Variants in NAA38 observed in about 807,000 individuals in gnomAD.
The protein encoded by NAA38 is N-alpha-acetyltransferase 38, NatC auxiliary subunit, also known as LSM domain containing 1.
In NAA38, 15 loss-of-function variants were observed where a neutral mutation model predicts 12.6. That is an observed-to-expected ratio of 1.19 (90% CI 0.79 to 1.83). The LOEUF is 1.83. NAA38 is among the 40% of genes most tolerant of loss of function. The probability of loss-of-function intolerance (pLI) is 0.00; values close to 1 mark genes in which losing one functional copy is unlikely to be tolerated. For synonymous variants in NAA38, 88 were observed against 69.9 expected (o/e 1.26, Z -1.29); for missense variants, 183 against 171.7 (o/e 1.07, Z -0.37).
At chr17:7,872,519 C>T (rs536417139) in intron 2 of NAA38, among the ~76,000 whole-genome samples, 3 of 152,320 alleles carry the variant, frequency 2.0e-5, no homozygotes, top group South Asian at 2.1e-4. Flanking sequence ...TGCGCCACCA[C>T]GCCCGGCTAA....
At chr17:7,870,370 T>G (rs1967064849) in intron 2 of NAA38, among the ~76,000 whole-genome samples, 1 of 152,154 alleles carries the variant, frequency 6.6e-6, no homozygotes, top group Admixed American at 6.5e-5. Context: ...TCCTTCTGAT[T>G]AAGATGATAT....
intron 1 of NAA38, chr17:7,884,881 A>G: frequency 8.2e-7 from 1 of 1,214,426 alleles, no homozygotes; most frequent in Non-Finnish European, 1.1e-6. Context: ...AAGAGGAGGA[A>G]GAAGAGGGCG....
At chr17:7,873,657 G>A (rs1967124980) in intron 2 of NAA38, among the ~76,000 whole-genome samples, 1 of 150,492 alleles carries the variant, frequency 6.6e-6, no homozygotes, top group African/African-American at 2.4e-5. Context: ...ATTAGTCCCT[G>A]AGAAGGTGGC....
At chr17:7,875,053 G>A (rs1485375382) in intron 2 of NAA38, among the ~76,000 whole-genome samples, 1 of 151,596 alleles carries the variant, frequency 6.6e-6, no homozygotes, top group Non-Finnish European at 1.5e-5. Context: ...AAAACTATCC[G>A]GTTGTGGTGG....
intron 1 of NAA38, chr17:7,885,096 C>T (rs1366274117): frequency 4.1e-6 from 4 of 963,966 alleles, no homozygotes; most frequent in Non-Finnish European, 4.9e-6. Flanking sequence ...AAGCGCCCGC[C>T]CCGACTCCCC....
At chr17:7,859,603 G>A (rs372408463), upstream of NAA38, 49 of 1,613,844 alleles carry the variant, frequency 3.0e-5, no homozygotes, top group South Asian at 1.2e-4. Flanking sequence ...ATGATCTCAC[G>A]GAGTTGTAGG....
intron 2 of NAA38, chr17:7,877,171 TAATA>T (rs977846232): frequency 4.1e-6 from 1 of 242,088 alleles, no homozygotes; most frequent in Non-Finnish European, 8.6e-6. Flanking sequence ...TTTACATAAA[TAATA>T]AATACTTTCT....
Position 7,857,436 on chromosome 17 carries a change from G to A in NAA38, c.28C>T (p.Leu10=). 6.3e-7 allele frequency: 1 copy of A among 1,583,692 alleles called. No individual in the cohort carries two copies. The highest frequency in any genetic ancestry group is 8.6e-7 in the Non-Finnish European group (1 of 1,166,586). The stretch of plus-strand genomic sequence containing the variant: ...CTGCAACAGCCATTCTCTTCTCGTA[G>A]CAGCATGGTCGGTCCAGCTCCGGCC... MAGAGPTML[L]REENGCCSRR... Residue 10 remains leucine, a synonymous_variant, in exon 1 of 3, where the codon CTA becomes TTA. Transcript: ENST00000575771.
At chr17:7,878,952 T>C (rs1043451715) in intron 2 of NAA38, among the ~76,000 whole-genome samples, 1 of 151,050 alleles carries the variant, frequency 6.6e-6, no homozygotes, top group Non-Finnish European at 1.5e-5. Context: ...TTTAATAATA[T>C]GTAACATAAT....
At chr17:7,865,981 C>T (rs1325508256) in intron 3 of NAA38, 1 of 152,184 alleles carries the variant, frequency 6.6e-6, no homozygotes, top group Non-Finnish European at 1.5e-5. Context: ...TGACACAGTT[C>T]CTGCCCTCTA....
chr17:7,858,628 T>C (rs1211198004), upstream of NAA38: 8 of 1,604,978 alleles, frequency 5.0e-6, no homozygotes, highest in African/African-American at 1.3e-5. Flanking sequence ...ATAGATCCGC[T>C]GACCGGCTGC....
upstream of NAA38, chr17:7,858,075 A>G: frequency 6.2e-7 from 1 of 1,601,932 alleles, no homozygotes; most frequent in South Asian, 1.1e-5. Flanking sequence ...AGTAGTAGTG[A>G]GTACGTGCTG....
chr17:7,858,012 C>T (rs1038140351), upstream of NAA38: 12 of 1,524,594 alleles, frequency 7.9e-6, no homozygotes, highest in South Asian at 1.4e-4. Context: ...CAATGGTTTC[C>T]ATGTCAGCGG....
At chr17:7,875,231 A>T (rs1240927904) in intron 2 of NAA38, among the ~76,000 whole-genome samples, 1 of 152,140 alleles carries the variant, frequency 6.6e-6, no homozygotes, top group African/African-American at 2.4e-5. Flanking sequence ...ACCCTCCATA[A>T]GTAATATTTT....
At chr17:7,858,937 C>T (rs137928877), upstream of NAA38, 327 of 1,027,180 alleles carry the variant, frequency 3.2e-4, 2 homozygotes, top group African/African-American at 4.7e-3. Context: ...TATTTTCTGT[C>T]CTTTACATTG....
At chr17:7,883,799 A>G (rs990001983) in intron 1 of NAA38, among the ~76,000 whole-genome samples, 14 of 151,960 alleles carry the variant, frequency 9.2e-5, no homozygotes, top group African/African-American at 3.4e-4. Context: ...GGGGAAAAAA[A>G]CCTTCACATC....
At chr17:7,858,650 C>A (rs1167452577), upstream of NAA38, 3 of 1,608,786 alleles carry the variant, frequency 1.9e-6, no homozygotes, top group Non-Finnish European at 2.5e-6. Context: ...TGAGGTACTG[C>A]ACCCCGCGGG....
At position 7,875,543 on chromosome 17, in the gene NAA38, C is replaced by T. The variant is rs138794462; in HGVS notation, c.-66+7692G>A. On this transcript the variant is annotated intron_variant, in intron 2 of 4. Coordinates refer to the NAA38 transcript ENST00000576861. ...GTAGAGATAGTCTTGCTATGTTGCTCAGGCTGGTCTTAAACTCCTGGCCTC... is the reference window on the plus strand; with the variant it reads ...GTAGAGATAGTCTTGCTATGTTGCTTAGGCTGGTCTTAAACTCCTGGCCTC... Among the ~76,000 whole-genome samples, 84 of 152,274 alleles carry T rather than the reference C, an allele frequency of 5.5e-4. 1 individual carries two copies. In the East Asian group the frequency reaches 0.014, roughly 24 times the overall value.
In NAA38 at chr17:7,856,740, C is replaced by T. The variant is rs756085982; in HGVS notation, c.369G>A (p.Pro123=). ...EVQRESLTGP[P]YL ...GTAAGCGCCATCGTGGTCAGAGATA[C>T]GGAGGCCCGGTCAGACTCTCCCTCT... The change falls in exon 3 of 3, where the codon CCG becomes CCA. Residue 123 remains proline, a synonymous_variant. Transcript: ENST00000575771. 9 of 1,613,540 alleles carry T rather than the reference C, an allele frequency of 5.6e-6. No individual in the cohort carries two copies. Among genetic ancestry groups the T allele is most frequent in the Admixed American group, 1.7e-5 (1 of 59,990 alleles).
Sources: allele counts gnomAD v4.1 joint callset (sites outside exome capture counted in the v4.1 genomes callset), GRCh38; gene constraint gnomAD v4.1.1; transcripts MANE v1.5; gene names NCBI Gene and HGNC (gene_info 2026-07-23, HGNC 2026-07-21).